The following DENND2B variants were observed in gnomAD, a reference collection of about 807,000 sequenced individuals.
DENND2B encodes DENN domain-containing protein 2B.
Under a neutral mutation model 116.0 loss-of-function variants are expected in DENND2B, and 32 were observed. The observed-to-expected ratio is 0.28, with a 90% CI of 0.21 to 0.37. The LOEUF is 0.37. Among genes scored for constraint, DENND2B ranks in the 10% least tolerant of loss-of-function variants. DENND2B has a pLI of 1.00. For missense variants in DENND2B, 1,276 were observed against 1,477.7 expected, an observed-to-expected ratio of 0.86 and a Z score of 2.24; for synonymous variants, 588 against 583.9, an observed-to-expected ratio of 1.01 and a Z score of -0.10.
At chr11:8,705,667 G>A (rs911008843) in intron 13 of DENND2B, among the ~76,000 whole-genome samples, 5 of 151,994 alleles carry the variant, frequency 3.3e-5, no homozygotes, top group South Asian at 2.1e-4. Flanking sequence ...TCTCCTTCAC[G>A]AGCTCCCATC....
chr11:8,827,012 GA>G (rs1361239498), intron 4 of DENND2B, among the ~76,000 whole-genome samples: 2 of 152,228 alleles, frequency 1.3e-5, no homozygotes, highest in African/African-American at 4.8e-5. Context: ...TTGAAGGACA[GA>G]AACAGGAGGA....
chr11:8,808,534 A>T (rs905233279), intron 1 of DENND2B: 1 of 152,328 alleles, frequency 6.6e-6, no homozygotes, highest in African/African-American at 2.4e-5. Context: ...TTCCTTAAAC[A>T]TCCTGAAGAA....
At chr11:8,889,599 C>T (rs773283828) in intron 1 of DENND2B, among the ~76,000 whole-genome samples, 1 of 152,234 alleles carries the variant, frequency 6.6e-6, no homozygotes, top group Non-Finnish European at 1.5e-5. Flanking sequence ...GATTATATCC[C>T]GCACATGGCT....
intron 2 of DENND2B, among the ~76,000 whole-genome samples, chr11:8,736,559 T>A (rs2049080744): frequency 6.6e-6 from 1 of 152,096 alleles, no homozygotes; most frequent in Admixed American, 6.5e-5. Context: ...GCAGTAGAGA[T>A]GAGTTGCTGT....
chr11:8,821,184 T>G (rs1374479185), intron 4 of DENND2B, among the ~76,000 whole-genome samples: 2 of 151,338 alleles, frequency 1.3e-5, no homozygotes, highest in Non-Finnish European at 2.9e-5. Flanking sequence ...TAAAAGAAAC[T>G]ACTATAAACC....
At chr11:8,816,650 CT>C (rs1303077423) in intron 4 of DENND2B, among the ~76,000 whole-genome samples, 1 of 152,088 alleles carries the variant, frequency 6.6e-6, no homozygotes, top group Admixed American at 6.5e-5. Context: ...CCCTTAAGGG[CT>C]TTACAGTTTT....
exon 3 of DENND2B, chr11:8,857,396 A>G (rs1254811376): frequency 6.6e-6 from 1 of 152,154 alleles, no homozygotes; most frequent in Non-Finnish European, 1.5e-5. Flanking sequence ...TTCCTCCTCA[A>G]TTCCAATCCA....
At chr11:8,740,327 C>T (rs2049980347) in intron 2 of DENND2B, among the ~76,000 whole-genome samples, 1 of 152,210 alleles carries the variant, frequency 6.6e-6, no homozygotes. Context: ...GAACACGCCC[C>T]AATCCCTGGG....
intron 1 of DENND2B, among the ~76,000 whole-genome samples, chr11:8,886,121 G>A (rs59314143): frequency 2.0e-4 from 31 of 152,120 alleles, no homozygotes; most frequent in African/African-American, 7.5e-4. Flanking sequence ...TTTTTGTAGA[G>A]ACAAGGTCTC....
intron 11 of DENND2B, among the ~76,000 whole-genome samples, chr11:8,709,382 G>C (rs889247018): frequency 2.6e-5 from 4 of 152,122 alleles, no homozygotes; most frequent in Non-Finnish European, 4.4e-5. Flanking sequence ...CCCAGCCCAG[G>C]CCCTCTCTGA....
chr11:8,715,856 AC>A (rs1300289853), intron 5 of DENND2B, 38 bp from the exon 6 acceptor site: 1 of 1,553,252 alleles, frequency 6.4e-7, no homozygotes, highest in East Asian at 2.3e-5. Context: ...GGGGCTTGCC[AC>A]AGAGGCCTTG....
intron 4 of DENND2B, among the ~76,000 whole-genome samples, chr11:8,830,188 C>G (rs928687698): frequency 2.6e-5 from 4 of 152,178 alleles, no homozygotes; most frequent in African/African-American, 9.7e-5. Context: ...TATGTAATGG[C>G]AGGACTTCCA....
intron 2 of DENND2B, among the ~76,000 whole-genome samples, chr11:8,750,073 T>C (rs987681994): frequency 3.9e-5 from 6 of 152,250 alleles, no homozygotes; most frequent in Non-Finnish European, 7.3e-5. Context: ...ACTATTATTA[T>C]TTTATAGATG....
At chr11:8,771,568 C>CGT (rs1555183133) in intron 1 of DENND2B, 1 of 37,944 alleles carries the variant, frequency 2.6e-5, no homozygotes, top group Non-Finnish European at 4.8e-5. Context: ...AGAGAGAGAG[C>CGT]CTTCTTCCCA....
chr11:8,699,944 C>A (rs765903867), intron 14 of DENND2B: 1 of 456,284 alleles, frequency 2.2e-6, no homozygotes, highest in South Asian at 1.5e-5. Context: ...CTTGAATACC[C>A]GGCCAGGCCA....
intron 1 of DENND2B, among the ~76,000 whole-genome samples, chr11:8,762,000 T>C (rs1839934403): frequency 6.6e-6 from 1 of 151,830 alleles, no homozygotes; most frequent in Admixed American, 6.6e-5. Context: ...CTTCAACACC[T>C]CCTCCCTCAT....
intron 2 of DENND2B, among the ~76,000 whole-genome samples, chr11:8,746,028 A>G (rs1357536348): frequency 2.0e-5 from 3 of 152,274 alleles, no homozygotes; most frequent in African/African-American, 7.2e-5. Flanking sequence ...TTTGTTATGT[A>G]GCAATAAATA....
At position 8,762,055 on chromosome 11, in the gene DENND2B, G is replaced by C. The variant is rs373627713; in HGVS notation, c.-25-11330C>G. Among the ~76,000 whole-genome samples the C allele has an allele frequency of 2.6e-4, 40 of 152,180 alleles. No homozygotes were observed. The South Asian group carries it at 8.1e-3, about 31-fold the overall frequency. Reference sequence around the variant, plus strand: ...TCTGCTTCCGATTCCACTAAGAACAGATCCTCAATGAGCTACACTCATCAC... The same window carrying C: ...TCTGCTTCCGATTCCACTAAGAACACATCCTCAATGAGCTACACTCATCAC... On this transcript the variant is annotated intron_variant, in intron 1 of 19. Coordinates refer to ENST00000313726, the MANE Select transcript of DENND2B (RefSeq NM_213618.2).
At chr11:8,855,022 T>G (rs1292766493) in intron 3 of DENND2B, among the ~76,000 whole-genome samples, 2 of 143,794 alleles carry the variant, frequency 1.4e-5, no homozygotes, top group African/African-American at 5.2e-5. Flanking sequence ...GCCCACATAG[T>G]GGTCCTAGCT....
Sources: allele counts gnomAD v4.1 joint callset (sites outside exome capture counted in the v4.1 genomes callset), GRCh38; gene constraint gnomAD v4.1.1; transcripts MANE v1.5; gene names NCBI Gene and HGNC (gene_info 2026-07-23, HGNC 2026-07-21).